SMG1: variants seen among roughly 807,000 people sequenced by gnomAD.
The protein encoded by SMG1 is SMG1 nonsense mediated mRNA decay associated PI3K related kinase.
Under a neutral mutation model 419.9 loss-of-function variants are expected in SMG1, and 22 were observed. That is an observed-to-expected ratio of 0.05 (90% confidence interval 0.04 to 0.07). The LOEUF is 0.07. Among genes scored for constraint, SMG1 ranks in the 10% least tolerant of loss-of-function variants. SMG1 has a pLI of 1.00. For missense variants in SMG1, 3,185 were observed against 4,342.0 expected (o/e 0.73, Z 7.49); for synonymous variants, 1,538 against 1,553.5 (o/e 0.99, Z 0.23).
intron 56 of SMG1, among the ~76,000 whole-genome samples, chr16:18,818,045 C>G (rs889263451): frequency 6.0e-5 from 9 of 150,490 alleles, no homozygotes; most frequent in African/African-American, 2.2e-4. Context: ...AGTCTCCCAG[C>G]TGGGACCAGA....
At position 18,871,500 on chromosome 16, in the gene SMG1, C is replaced by G; in HGVS notation, c.2184-18G>C. ...ACAGTTTCCTGAAACACAAAATATACAGTTGACTGTACATTAAAAAAAACA... is the reference window on the plus strand; with the variant it reads ...ACAGTTTCCTGAAACACAAAATATAGAGTTGACTGTACATTAAAAAAAACA... On this transcript the variant is annotated intron_variant, in intron 15 of 62. Transcript: ENST00000446231. The G allele has an allele frequency of 7.1e-7, 1 of 1,405,504 alleles. No homozygotes were observed. The highest frequency in any genetic ancestry group is 9.8e-7 in the Non-Finnish European group (1 of 1,025,096). The allele number at this position is 1,405,504 out of a possible 1,614,324, so 87.1% of individuals were successfully genotyped here.
At chr16:18,842,547 C>T (rs2033983450) in intron 39 of SMG1, 93 bp from the exon 40 acceptor site, 1 of 1,308,248 alleles carries the variant, frequency 7.6e-7, no homozygotes, top group Non-Finnish European at 1.0e-6. Context: ...AATTTTAGGT[C>T]ACGGCGGCAG....
chr16:18,916,089 A>AAAC (rs2037963310), intron 1 of SMG1, among the ~76,000 whole-genome samples: 2 of 110,240 alleles, frequency 1.8e-5, no homozygotes, highest in Non-Finnish European at 3.7e-5. Flanking sequence ...AAAAAAAAAA[A>AAAC]CCAGAAAAAA....
In SMG1 at chr16:18,870,013, G is replaced by C; in HGVS notation, c.2493-19C>G. ...GTTATTGCTGTAGACAGAAAATAAAGTTGTTATGCAAAATATTTTAGCTTA... is the reference window on the plus strand; with the variant it reads ...GTTATTGCTGTAGACAGAAAATAAACTTGTTATGCAAAATATTTTAGCTTA... On this transcript the variant is annotated intron_variant, in intron 18 of 62. Transcript: ENST00000446231. The C allele has an allele frequency of 1.3e-6, 2 of 1,515,718 alleles. No individual in the cohort carries two copies. The highest frequency in any genetic ancestry group is 1.8e-6 in the Non-Finnish European group (2 of 1,132,736). The allele number at this position is 1,515,718 out of a possible 1,614,324, so 93.9% of individuals were successfully genotyped here.
At chr16:18,887,505 A>C (rs1281561863) in intron 6 of SMG1, among the ~76,000 whole-genome samples, 2 of 87,334 alleles carry the variant, frequency 2.3e-5, no homozygotes, top group African/African-American at 3.8e-5. Context: ...CGCCCGACTT[A>C]TTTTTTTTTC....
intron 3 of SMG1, among the ~76,000 whole-genome samples, chr16:18,895,608 T>C (rs2037088254): frequency 6.6e-6 from 1 of 151,686 alleles, no homozygotes; most frequent in African/African-American, 2.4e-5. Flanking sequence ...GATGGGATGA[T>C]CTGTGCAGCC....
intron 6 of SMG1, among the ~76,000 whole-genome samples, chr16:18,888,706 T>C (rs2036746994): frequency 6.6e-6 from 1 of 151,926 alleles, no homozygotes. Context: ...GACCTCATGA[T>C]GTTTCCACCT....
At chr16:18,894,150 A>G (rs1567436252) in intron 3 of SMG1, among the ~76,000 whole-genome samples, 1 of 152,066 alleles carries the variant, frequency 6.6e-6, no homozygotes, top group African/African-American at 2.4e-5. Flanking sequence ...GGGAGAAGGG[A>G]GAGGATCAAG....
chr16:18,841,440 A>G, intron 41 of SMG1, 125 bp downstream of exon 41: 1 of 721,972 alleles, frequency 1.4e-6, no homozygotes, highest in Non-Finnish European at 2.3e-6. Context: ...ATACTCTCCT[A>G]GGGACCTCAA....
intron 1 of SMG1, among the ~76,000 whole-genome samples, chr16:18,920,795 G>A (rs931008008): frequency 6.6e-6 from 1 of 151,796 alleles, no homozygotes; most frequent in African/African-American, 2.4e-5. Context: ...AGCTGAGATG[G>A]TTCCACTGCA....
intron 6 of SMG1, among the ~76,000 whole-genome samples, chr16:18,887,777 A>C (rs1360251807): frequency 5.9e-5 from 3 of 51,030 alleles, no homozygotes; most frequent in African/African-American, 1.2e-4. Flanking sequence ...AAAAAAAAAA[A>C]AAAAAAAAAA....
At chr16:18,907,845 C>CAAAA (rs71141092) in intron 1 of SMG1, among the ~76,000 whole-genome samples, 1,387 of 54,808 alleles carry the variant, frequency 0.025, 95 homozygotes, top group South Asian at 0.031. Flanking sequence ...GAACGAGACT[C>CAAAA]AAAAAAAAAA....
rs747497409 is a variant in SMG1, at chr16:18,815,659, T to C, written c.10303-8A>G. On this transcript the variant is annotated splice_region_variant and splice_polypyrimidine_tract_variant and intron_variant, in intron 58 of 62. Coordinates refer to ENST00000446231, the MANE Select transcript of SMG1 (RefSeq NM_015092.5). ...CAGAGCAGCTTCTTCATCCTAGAAT[T>C]GATAAATTAATGATTAAGAAAAATA... 6.2e-7 allele frequency: 1 copy of C among 1,608,350 alleles called. No individual in the cohort carries two copies. The highest frequency in any genetic ancestry group is 8.5e-7 in the Non-Finnish European group (1 of 1,176,296).
rs1200238139 is a variant in SMG1 at position 18,896,156 on chromosome 16, G to A, written c.308C>T (p.Ser103Leu). The change falls in exon 3 of 63, where the codon TCG (serine) becomes TTG (leucine). Residue 103 changes from serine (S) to leucine (L), a missense_variant. This residue lies in a region of SMG1 where 42 missense variants were observed against 100.1 expected (regional missense o/e 0.42). Coordinates refer to ENST00000446231, the MANE Select transcript of SMG1 (RefSeq NM_015092.5). ...GTTAACCCTCAGCTCTTGCCCCAAC[G>A]ACTTCCGACCATAAGTATTTTCCCC... Reference protein sequence around the residue: ...GSGENTYGRKSLGQELRVNNV... With the variant: ...GSGENTYGRKLLGQELRVNNV... 8 of 1,566,248 alleles carry A rather than the reference G, an allele frequency of 5.1e-6. No homozygotes were observed. Among genetic ancestry groups the A allele is most frequent in the Non-Finnish European group, 7.0e-6 (8 of 1,138,362 alleles).
In SMG1 at chr16:18,837,324, T is replaced by C; in HGVS notation, c.7533A>G (p.Lys2511=). ...QLTDVEKLQG[K]LLEEIEFLEG... ...CTAGAAACTCTATTTCCTCCAGTAGTTTGCCCTGCAGTTTTTCCACATCTG... is the reference window on the plus strand; with the variant it reads ...CTAGAAACTCTATTTCCTCCAGTAGCTTGCCCTGCAGTTTTTCCACATCTG... The change falls in exon 46 of 63, where the codon AAA becomes AAG. Residue 2511 remains lysine, a synonymous_variant. Transcript: ENST00000446231. 6.2e-7 allele frequency: 1 copy of C among 1,614,012 alleles called. No individual in the cohort carries two copies. The highest frequency in any genetic ancestry group is 1.1e-5 in the South Asian group (1 of 91,086).
rs74804533 is a variant in SMG1, at chr16:18,874,318, T to C, written c.1891-1694A>G. ...CACCCCTGGCTAATTTTTCTATTTT[T>C]AGTAGAGGCGAGGTTTCACCATGTT... On this transcript the variant is annotated intron_variant, in intron 13 of 62. Coordinates refer to ENST00000446231, the MANE Select transcript of SMG1 (RefSeq NM_015092.5). Among the ~76,000 whole-genome samples the C allele has an allele frequency of 5.0e-3, 752 of 151,864 alleles. 8 individuals carry two copies. Among genetic ancestry groups the C allele is most frequent in the African/African-American group, 0.017 (716 of 41,462 alleles).
At chr16:18,821,198 A>C (rs2032496591) in intron 55 of SMG1, among the ~76,000 whole-genome samples, 1 of 150,100 alleles carries the variant, frequency 6.7e-6, no homozygotes, top group Non-Finnish European at 1.5e-5. Context: ...ATTCATTAAA[A>C]ACCTGAGATA....
chr16:18,903,759 C>G (rs1406060093), intron 1 of SMG1, among the ~76,000 whole-genome samples: 1 of 152,150 alleles, frequency 6.6e-6, no homozygotes, highest in Non-Finnish European at 1.5e-5. Context: ...TGTTTGAGCT[C>G]TTCAACACTC....
intron 1 of SMG1, among the ~76,000 whole-genome samples, chr16:18,901,436 T>C (rs987655839): frequency 2.0e-5 from 3 of 151,998 alleles, no homozygotes; most frequent in Non-Finnish European, 4.4e-5. Flanking sequence ...CTGCTCTCAA[T>C]TTCCTGGACT....
Sources: allele counts gnomAD v4.1 joint callset (sites outside exome capture counted in the v4.1 genomes callset), GRCh38; gene constraint gnomAD v4.1.1; regional missense constraint gnomAD v4.1.1; transcripts MANE v1.5; gene names NCBI Gene and HGNC (gene_info 2026-07-23, HGNC 2026-07-21).